Variants in COL24A1 observed in about 807,000 individuals in gnomAD.
COL24A1 encodes collagen type XXIV alpha 1 chain, also known as collagen alpha-1(XXIV) chain.
COL24A1 carries 224 observed loss-of-function variants against 253.9 expected under a neutral mutation model. The ratio of observed to expected loss-of-function variants is 0.88; its 90% CI spans 0.79 to 0.99. The LOEUF is 0.99. Among genes scored for constraint, COL24A1 ranks in the 50% least tolerant of loss-of-function variants. The pLI is 0.00. For synonymous variants in COL24A1, 685 were observed against 673.7 expected, an observed-to-expected ratio of 1.02 and a Z score of -0.26; for missense variants, 2,131 against 2,068.5, an observed-to-expected ratio of 1.03 and a Z score of -0.59.
chr1:85,811,334 T>A (rs981515139), intron 47 of COL24A1, among the ~76,000 whole-genome samples: 2 of 152,238 alleles, frequency 1.3e-5, no homozygotes, highest in African/African-American at 4.8e-5. Context: ...ACTCTAGTCA[T>A]CTTTTTACTA....
chr1:85,968,620 C>G (rs1437110577), intron 22 of COL24A1, among the ~76,000 whole-genome samples: 3 of 152,056 alleles, frequency 2.0e-5, no homozygotes, highest in Non-Finnish European at 2.9e-5. Context: ...TAGTTAAGAA[C>G]CTGAATTATT....
intron 5 of COL24A1, among the ~76,000 whole-genome samples, chr1:86,100,025 T>G (rs953995691): frequency 6.6e-6 from 1 of 152,284 alleles, no homozygotes; most frequent in African/African-American, 2.4e-5. Context: ...TAAAGACACA[T>G]GCACACGTAT....
In COL24A1 at chr1:86,017,262, GAAGA is replaced by G. The variant is rs1461243241; in HGVS notation, c.2257-62_2257-59del. 17 of 1,369,454 alleles carry G rather than the reference GAAGA, an allele frequency of 1.2e-5. No individual in the cohort carries two copies. In the Admixed American group the frequency reaches 4.9e-4, roughly 40 times the overall value. The allele number at this position is 1,369,454 out of a possible 1,614,324, so 84.8% of individuals were successfully genotyped here. A position where few individuals can be genotyped will look rare whatever the true frequency, so the allele number is the denominator to read the frequency against. On this transcript the variant is annotated intron_variant, in intron 18 of 59. Coordinates refer to ENST00000370571, the MANE Select transcript of COL24A1 (RefSeq NM_152890.7). ...ATAAACTTAATAAACACAATTAAAA[GAAGA>G]AACAGGCATATGGTAAACAAATAGC...
At chr1:85,881,048 G>T (rs984536652) in intron 32 of COL24A1, among the ~76,000 whole-genome samples, 2 of 152,194 alleles carry the variant, frequency 1.3e-5, no homozygotes, top group Non-Finnish European at 2.9e-5. Context: ...CATGTGTGTG[G>T]CCTCACATAA....
intron 47 of COL24A1, among the ~76,000 whole-genome samples, chr1:85,806,225 A>G (rs1365399573): frequency 6.6e-6 from 1 of 152,246 alleles, no homozygotes; most frequent in African/African-American, 2.4e-5. Context: ...TTATTTTTAG[A>G]GAAACTCAAC....
In COL24A1 at chr1:85,800,151, T is replaced by G. The variant is rs1671277502; in HGVS notation, c.3952-13690A>C. The stretch of plus-strand genomic sequence containing the variant: ...TACTCAGATTTTCCCTTCCCTTGAC[T>G]GTCTTCAACCTCTCCATATTTACTA... On this transcript the variant is annotated intron_variant, in intron 47 of 59. Coordinates refer to ENST00000370571, the MANE Select transcript of COL24A1 (RefSeq NM_152890.7). Among the ~76,000 whole-genome samples, 2 of 152,330 alleles carry G rather than the reference T, an allele frequency of 1.3e-5. 1 individual carries two copies. The highest frequency in any genetic ancestry group is 4.1e-4 in the South Asian group (2 of 4,828).
intron 12 of COL24A1, among the ~76,000 whole-genome samples, chr1:86,036,638 T>C (rs1047253474): frequency 3.9e-5 from 6 of 152,172 alleles, no homozygotes; most frequent in African/African-American, 9.6e-5. Flanking sequence ...AGGTTCTATA[T>C]TCTTTTAATC....
chr1:85,737,927 T>G (rs1291260899), intron 57 of COL24A1, among the ~76,000 whole-genome samples: 1 of 152,148 alleles, frequency 6.6e-6, no homozygotes, highest in African/African-American at 2.4e-5. Flanking sequence ...TGTTAAAAAC[T>G]TAGAAGATTA....
intron 25 of COL24A1, among the ~76,000 whole-genome samples, chr1:85,911,087 G>A (rs574897180): frequency 6.6e-6 from 1 of 152,038 alleles, no homozygotes; most frequent in East Asian, 1.9e-4. Context: ...GCCTCTCATA[G>A]AAGGCTTGCT....
In COL24A1 at chr1:85,888,290, T is replaced by TA. The variant is rs538243780; in HGVS notation, c.2976+1269dup. Among the ~76,000 whole-genome samples, 17 of 152,168 alleles carry TA rather than the reference T, an allele frequency of 1.1e-4. No individual in the cohort carries two copies. In the East Asian group the frequency reaches 3.1e-3, roughly 28 times the overall value. ...TGTTTACAAAATAGATATCAGATAATAAACTAAATAATCTGATAATAAAGC... is the reference window on the plus strand; with the variant it reads ...TGTTTACAAAATAGATATCAGATAATAAAACTAAATAATCTGATAATAAAGC... On this transcript the variant is annotated intron_variant, in intron 32 of 59. Coordinates refer to ENST00000370571, the MANE Select transcript of COL24A1 (RefSeq NM_152890.7).
chr1:85,863,945 T>C (rs181030314), intron 37 of COL24A1, among the ~76,000 whole-genome samples: 1 of 152,326 alleles, frequency 6.6e-6, no homozygotes, highest in East Asian at 1.9e-4. Flanking sequence ...ACTTTTACAC[T>C]GTTGGTGGGA....
intron 51 of COL24A1, among the ~76,000 whole-genome samples, chr1:85,782,715 G>T (rs1405617587): frequency 3.3e-5 from 5 of 152,140 alleles, no homozygotes; most frequent in Admixed American, 6.6e-5. Flanking sequence ...TCCTACATCT[G>T]CACTGCTTCC....
intron 24 of COL24A1, among the ~76,000 whole-genome samples, chr1:85,914,892 T>G (rs1478859671): frequency 2.0e-5 from 3 of 152,214 alleles, no homozygotes; most frequent in Admixed American, 2.0e-4. Context: ...TTAGGCAGAA[T>G]TATGATCTTA....
intron 48 of COL24A1, among the ~76,000 whole-genome samples, chr1:85,784,616 A>G (rs909636624): frequency 2.0e-5 from 3 of 152,116 alleles, no homozygotes; most frequent in African/African-American, 7.2e-5. Context: ...TGGAAAGAAG[A>G]GGGAAGGGGG....
chr1:85,760,573 C>T (rs759355121), intron 55 of COL24A1, among the ~76,000 whole-genome samples: 1 of 152,110 alleles, frequency 6.6e-6, no homozygotes, highest in Admixed American at 6.5e-5. Context: ...GAAACCACCA[C>T]CTAGAACTAG....
At chr1:85,830,503 G>C (rs570868989) in intron 43 of COL24A1, among the ~76,000 whole-genome samples, 58 of 152,258 alleles carry the variant, frequency 3.8e-4, no homozygotes, top group African/African-American at 1.3e-3. Context: ...GGGCAATGGC[G>C]GGTGCCCCTC....
chr1:85,969,476 A>C (rs1190160002), intron 22 of COL24A1, among the ~76,000 whole-genome samples: 1 of 151,658 alleles, frequency 6.6e-6, no homozygotes, highest in African/African-American at 2.4e-5. Flanking sequence ...ATGGTGGCAC[A>C]TGCCTGTAAT....
chr1:86,086,140 A>G (rs985568191), intron 7 of COL24A1, among the ~76,000 whole-genome samples: 1 of 152,228 alleles, frequency 6.6e-6, no homozygotes, highest in Non-Finnish European at 1.5e-5. Flanking sequence ...AGAGAAAAAG[A>G]AAAATGAAGT....
At position 85,784,276 on chromosome 1, in the gene COL24A1, C is replaced by G. The variant is rs1358146187; in HGVS notation, c.4150G>C (p.Gly1384Arg). ...QGDQGPCGDP[G>R]LKGQPGEYGV... ...GTACATACAGGCTGCCCTTTCAGGCCAGGGTCTCCACATGGTCCTTGATCA... is the reference window on the plus strand; with the variant it reads ...GTACATACAGGCTGCCCTTTCAGGCGAGGGTCTCCACATGGTCCTTGATCA... The change falls in exon 49 of 60, where the codon GGC becomes CGC. Residue 1384 changes from glycine to arginine, a missense_variant. Coordinates refer to ENST00000370571, the MANE Select transcript of COL24A1 (RefSeq NM_152890.7). 1.9e-6 allele frequency: 3 copies of G among 1,613,928 alleles called. No homozygotes were observed. The highest frequency in any genetic ancestry group is 2.5e-6 in the Non-Finnish European group (3 of 1,179,964).
Sources: gnomAD v4.1 joint callset for allele counts (sites outside exome capture counted in the v4.1 genomes callset) on GRCh38, gnomAD v4.1.1 for gene constraint, MANE v1.5 for transcripts, NCBI Gene and HGNC (gene_info 2026-07-23, HGNC 2026-07-21) for gene names.